Variants in NSD1 observed in about 807,000 individuals in gnomAD.
The protein encoded by NSD1 is nuclear receptor binding SET domain protein 1.
NSD1 carries 26 observed loss-of-function variants against 242.7 expected under a neutral mutation model. That is an observed-to-expected ratio of 0.11 (90% confidence interval 0.08 to 0.15). The LOEUF (loss-of-function observed/expected upper bound fraction) is 0.15. NSD1 is among the 10% of genes least tolerant of loss of function. The pLI is 1.00. For synonymous variants in NSD1, 1,106 were observed against 1,178.1 expected (o/e 0.94, Z 1.25); for missense variants, 2,495 against 3,272.8 (o/e 0.76, Z 5.80).
In NSD1 at chr5:177,238,439, T is replaced by C; in HGVS notation, c.4124T>C (p.Val1375Ala). ...GAGTTGCCGCAGCTGACCTTGTCTG[T>C]GCCTGTGGCTCCGGAAGTCTCTCCA... ...HAELPQLTLS[V>A]PVAPEVSPRP... The change falls in exon 7 of 23, where the codon GTG becomes GCG. Residue 1375 changes from valine (V) to alanine (A), a missense_variant. Physicochemically the swap from Val to Ala is moderately conservative, Grantham distance 64 (BLOSUM62 0). Coordinates refer to ENST00000439151, the MANE Select transcript of NSD1 (RefSeq NM_022455.5). This position sits in a 1 kb window ranked among gnomAD's most constrained non-coding sequence, Gnocchi z 4.6. 1 of 1,614,202 alleles carries C rather than the reference T, an allele frequency of 6.2e-7. No individual in the cohort carries two copies. Among genetic ancestry groups the C allele is most frequent in the Non-Finnish European group, 8.5e-7 (1 of 1,180,044 alleles).
At chr5:177,218,864 C>T (rs772353187) in intron 5 of NSD1, among the ~76,000 whole-genome samples, 19 of 151,856 alleles carry the variant, frequency 1.3e-4, no homozygotes, top group Non-Finnish European at 2.5e-4. Flanking sequence ...CCACCGCGCC[C>T]GGCCCCCCCT....
At chr5:177,214,284 G>A (rs963715594) in intron 5 of NSD1, among the ~76,000 whole-genome samples, 1 of 152,074 alleles carries the variant, frequency 6.6e-6, no homozygotes, top group African/African-American at 2.4e-5. Context: ...GTGAGTGGAG[G>A]TTGCAGTGAG....
At chr5:177,216,861 A>G (rs1003896801) in intron 5 of NSD1, among the ~76,000 whole-genome samples, 2 of 151,182 alleles carry the variant, frequency 1.3e-5, no homozygotes, top group South Asian at 2.1e-4. Context: ...ATTGACTTAC[A>G]TGTCTATATT....
chr5:177,269,927 T>C lies in NSD1; in HGVS notation c.5509+120T>C. The C allele has an allele frequency of 2.5e-6, 2 of 803,462 alleles. No homozygotes were observed. Among genetic ancestry groups the C allele is most frequent in the East Asian group, 5.2e-5 (2 of 38,582 alleles). 49.8% of individuals were successfully genotyped at this position (803,462 alleles called of 1,614,324 possible). On this transcript the variant is annotated intron_variant, in intron 16 of 22. Coordinates refer to ENST00000439151, the MANE Select transcript of NSD1 (RefSeq NM_022455.5). The surrounding 1 kb of genome is among the most constrained non-coding windows in gnomAD (Gnocchi z 5.1). Reference sequence around the variant, plus strand: ...CTGCCTTTGTCCTCTCAGGGCATTATCTGGCTGCAAATACAGTATTTTGCA... The same window carrying C: ...CTGCCTTTGTCCTCTCAGGGCATTACCTGGCTGCAAATACAGTATTTTGCA...
At chr5:177,254,871 T>C (rs1218920434) in intron 12 of NSD1, among the ~76,000 whole-genome samples, 1 of 152,206 alleles carries the variant, frequency 6.6e-6, no homozygotes. Flanking sequence ...TTGTGGGTTT[T>C]TTTCTCTTTT....
At chr5:177,243,436 G>A (rs1459726431) in intron 8 of NSD1, among the ~76,000 whole-genome samples, 1 of 152,156 alleles carries the variant, frequency 6.6e-6, no homozygotes, top group Non-Finnish European at 1.5e-5. Flanking sequence ...GACCTCAGGT[G>A]ATCTGCCCCC....
chr5:177,285,968 T>C (rs1759293388), intron 20 of NSD1, among the ~76,000 whole-genome samples: 1 of 152,160 alleles, frequency 6.6e-6, no homozygotes. Context: ...TGATCTCGGC[T>C]CACTGCAACC....
rs563304237 is a variant in NSD1, at chr5:177,239,875, T to C, written c.4302+10T>C. 2.0e-6 allele frequency: 3 copies of C among 1,504,612 alleles called. No individual in the cohort carries two copies. In the East Asian group the frequency reaches 6.8e-5, roughly 34 times the overall value. The allele number at this position is 1,504,612 out of a possible 1,614,324, so 93.2% of individuals were successfully genotyped here. A position where few individuals can be genotyped will look rare whatever the true frequency, so the allele number is the denominator to read the frequency against. ...TGGCCTTTCTAAAAAGGTATGTTAT[T>C]TTTGTAAGTTCTAAAAGAAATAAAC... On this transcript the variant is annotated intron_variant, in intron 8 of 22. Transcript: ENST00000439151.
At chr5:177,287,379 G>A (rs1335307413) in intron 20 of NSD1, among the ~76,000 whole-genome samples, 1 of 152,184 alleles carries the variant, frequency 6.6e-6, no homozygotes, top group Non-Finnish European at 1.5e-5. Context: ...AGTGGCTCAC[G>A]CCTATAATCC....
At chr5:177,293,756 G>A in intron 22 of NSD1, 76 bp from the exon 23 acceptor site, 1 of 1,529,142 alleles carries the variant, frequency 6.5e-7, no homozygotes, top group Admixed American at 1.7e-5. Flanking sequence ...CACACCTTCG[G>A]ACTGTAGCAT....
At chr5:177,170,621 A>G (rs1759620095) in intron 2 of NSD1, among the ~76,000 whole-genome samples, 1 of 151,618 alleles carries the variant, frequency 6.6e-6, no homozygotes, top group South Asian at 2.1e-4. Context: ...CTGAAGTGCT[A>G]GGATTACAGG....
chr5:177,235,956 A>G lies in NSD1; in HGVS notation c.3921+11A>G, dbSNP rs377201726. ...GAGCAGGTGCACAAGGTATGTTGCA[A>G]AATTTCAGCAAACTTTCACTGGTCC... On this transcript the variant is annotated intron_variant, in intron 6 of 22. Transcript: ENST00000439151. 1.9e-6 allele frequency: 3 copies of G among 1,613,850 alleles called. No individual in the cohort carries two copies. The highest frequency in any genetic ancestry group is 2.5e-6 in the Non-Finnish European group (3 of 1,179,798).
chr5:177,213,463 G>T (rs938558958), intron 5 of NSD1, among the ~76,000 whole-genome samples: 1 of 151,146 alleles, frequency 6.6e-6, no homozygotes, highest in Non-Finnish European at 1.5e-5. Context: ...CTGCCTTCAG[G>T]TTTTTTTTTC....
intron 2 of NSD1, among the ~76,000 whole-genome samples, chr5:177,155,626 T>C (rs1049194599): frequency 2.6e-5 from 4 of 151,712 alleles, no homozygotes; most frequent in East Asian, 1.9e-4. Flanking sequence ...AGATATTTCC[T>C]GTTCATACAT....
rs1439604535 is a variant in NSD1, at chr5:177,288,891, C to G, written c.6224C>G (p.Pro2075Arg). Residue 2075 changes from proline to arginine, a missense_variant, in exon 21 of 23, where the codon CCG (proline) becomes CGG (arginine). Pro to Arg is a moderately radical substitution (Grantham distance 103). Around this residue, in one of 19 missense-constraint regions of NSD1, gnomAD observed 26 missense variants for 119.1 expected, o/e 0.22. Transcript: ENST00000439151. Reference sequence around the variant, plus strand: ...AAGACTGTTTGCAAATGTGGAGCCCCGAACTGCAGTGGCTTCTTGGGTGTA... The same window carrying G: ...AAGACTGTTTGCAAATGTGGAGCCCGGAACTGCAGTGGCTTCTTGGGTGTA... ...NGKTVCKCGA[P>R]NCSGFLGVRP... 1 of 1,614,138 alleles carries G rather than the reference C, an allele frequency of 6.2e-7. No homozygotes were observed. The highest frequency in any genetic ancestry group is 8.5e-7 in the Non-Finnish European group (1 of 1,180,014).
chr5:177,260,446 A>G (rs758481462), intron 14 of NSD1, among the ~76,000 whole-genome samples: 1 of 146,820 alleles, frequency 6.8e-6, no homozygotes, highest in Non-Finnish European at 1.5e-5. Context: ...TCCCAGGTTC[A>G]AGCAGTTCTC....
intron 5 of NSD1, among the ~76,000 whole-genome samples, chr5:177,232,108 A>C (rs1765105840): frequency 6.6e-6 from 1 of 152,120 alleles, no homozygotes; most frequent in African/African-American, 2.4e-5. Flanking sequence ...TTTGTTGCCC[A>C]GCCTGTTCTT....
At chr5:177,137,036 AGTT>A (rs1277568335) in intron 2 of NSD1, 13 of 492,106 alleles carry the variant, frequency 2.6e-5, no homozygotes, top group Middle Eastern at 2.8e-4. Flanking sequence ...ATCTTATTTG[AGTT>A]GTTGTTTTCA....
At chr5:177,209,499 A>T (rs1310497002) in intron 4 of NSD1, 137 bp from the exon 5 acceptor site, 5 of 673,440 alleles carry the variant, frequency 7.4e-6, no homozygotes, top group African/African-American at 1.9e-5. Flanking sequence ...ACTGCACTCC[A>T]GCCTGGGCGA....
Sources: allele counts gnomAD v4.1 joint callset (sites outside exome capture counted in the v4.1 genomes callset), GRCh38; gene constraint gnomAD v4.1.1; regional missense constraint gnomAD v4.1.1; non-coding constraint Gnocchi (gnomAD v3.1); transcripts MANE v1.5; gene names NCBI Gene and HGNC (gene_info 2026-07-23, HGNC 2026-07-21).